The following CNBD1 variants were observed in gnomAD, a reference collection of about 807,000 sequenced individuals.
CNBD1 encodes the protein cyclic nucleotide-binding domain-containing protein 1.
CNBD1 carries 71 observed loss-of-function variants against 54.4 expected under a neutral mutation model. That is an observed-to-expected ratio of 1.30 (90% CI 1.08 to 1.59). CNBD1 has a LOEUF of 1.59. CNBD1 is among the 40% of genes most tolerant of loss of function. The pLI is 0.00. For missense variants in CNBD1, 659 were observed against 518.0 expected, an observed-to-expected ratio of 1.27 and a Z score of -2.64; for synonymous variants, 182 against 170.7, an observed-to-expected ratio of 1.07 and a Z score of -0.51.
chr8:87,230,731 G>C (rs1241178160), intron 5 of CNBD1, among the ~76,000 whole-genome samples: 1 of 152,136 alleles, frequency 6.6e-6, no homozygotes, highest in African/African-American at 2.4e-5. Context: ...TTCATGGCAT[G>C]TTTGGTATAT....
chr8:87,329,125 T>C (rs956609561), intron 8 of CNBD1, among the ~76,000 whole-genome samples: 3 of 152,166 alleles, frequency 2.0e-5, no homozygotes, highest in Non-Finnish European at 4.4e-5. Context: ...TTGTCTATAT[T>C]CGCTCTTTTG....
intron 2 of CNBD1, among the ~76,000 whole-genome samples, chr8:87,408,795 G>A (rs1807693244): frequency 6.6e-6 from 1 of 151,910 alleles, no homozygotes; most frequent in Non-Finnish European, 1.5e-5. Context: ...ATCTTTTATC[G>A]TGATCTGGGA....
chr8:87,138,492 T>A (rs1180450203), intron 4 of CNBD1, among the ~76,000 whole-genome samples: 1 of 152,220 alleles, frequency 6.6e-6, no homozygotes, highest in Non-Finnish European at 1.5e-5. Flanking sequence ...CTTCTTACCA[T>A]CCCTGTGTTA....
At chr8:86,923,938 G>T (rs1809317303) in intron 3 of CNBD1, among the ~76,000 whole-genome samples, 1 of 152,152 alleles carries the variant, frequency 6.6e-6, no homozygotes, top group South Asian at 2.1e-4. Context: ...AGGGACCAAT[G>T]AGTCCCAGCT....
chr8:87,325,187 T>A (rs368653618), intron 8 of CNBD1, among the ~76,000 whole-genome samples: 1 of 95,234 alleles, frequency 1.1e-5, no homozygotes. Flanking sequence ...ATAATTTCTG[T>A]TCTTTTACAT....
chr8:86,891,801 AC>A (rs1808772688), intron 2 of CNBD1, among the ~76,000 whole-genome samples: 1 of 152,058 alleles, frequency 6.6e-6, no homozygotes, highest in African/African-American at 2.4e-5. Flanking sequence ...GGTTAAATTC[AC>A]ACCTAAGTAA....
chr8:86,938,002 C>T (rs1402338819), intron 3 of CNBD1, among the ~76,000 whole-genome samples: 2 of 152,294 alleles, frequency 1.3e-5, no homozygotes, highest in Non-Finnish European at 2.9e-5. Flanking sequence ...TTTGTGAATA[C>T]ATAAAGCTGA....
At chr8:87,173,768 A>G (rs1328938388) in intron 4 of CNBD1, among the ~76,000 whole-genome samples, 1 of 150,676 alleles carries the variant, frequency 6.6e-6, no homozygotes, top group Non-Finnish European at 1.5e-5. Flanking sequence ...TTGGTGTTCT[A>G]TAACCTTCTT....
At chr8:87,296,605 G>GTATATA (rs373445352) in intron 8 of CNBD1, among the ~76,000 whole-genome samples, 1 of 148,718 alleles carries the variant, frequency 6.7e-6, no homozygotes, top group African/African-American at 2.5e-5. Flanking sequence ...ATATAATTTG[G>GTATATA]TATATATATA....
chr8:87,380,813 A>G (rs1336592147), intron 10 of CNBD1, among the ~76,000 whole-genome samples: 1 of 152,022 alleles, frequency 6.6e-6, no homozygotes, highest in African/African-American at 2.4e-5. Flanking sequence ...TAATCTCTAC[A>G]AAAATAGCAT....
At chr8:87,260,759 GT>G (rs1372405747) in intron 6 of CNBD1, among the ~76,000 whole-genome samples, 2 of 151,842 alleles carry the variant, frequency 1.3e-5, no homozygotes, top group African/African-American at 4.8e-5. Flanking sequence ...TCACTGTGTT[GT>G]TGTTCATTTG....
chr8:87,389,976 T>A (rs1004219385), intron 2 of CNBD1, among the ~76,000 whole-genome samples: 1 of 150,816 alleles, frequency 6.6e-6, no homozygotes, highest in Non-Finnish European at 1.5e-5. Context: ...TTGACAAACC[T>A]GAGAAAAACA....
intron 5 of CNBD1, among the ~76,000 whole-genome samples, chr8:87,236,055 C>T (rs1001320991): frequency 2.6e-5 from 4 of 151,922 alleles, no homozygotes; most frequent in African/African-American, 9.7e-5. Context: ...ACTTTTAGGA[C>T]ATTAAAAAAA....
intron 4 of CNBD1, among the ~76,000 whole-genome samples, chr8:87,158,184 A>T (rs2130756372): frequency 6.6e-6 from 1 of 152,210 alleles, no homozygotes; most frequent in South Asian, 2.1e-4. Context: ...ACCTGGGATA[A>T]AGTCTGGACT....
At chr8:87,307,477 C>G (rs1809179725) in intron 8 of CNBD1, among the ~76,000 whole-genome samples, 1 of 152,130 alleles carries the variant, frequency 6.6e-6, no homozygotes, top group Admixed American at 6.6e-5. Context: ...CTGGCTCATG[C>G]CTGTAATCCC....
At chr8:87,161,924 G>A in intron 4 of CNBD1, among the ~76,000 whole-genome samples, 1 of 152,024 alleles carries the variant, frequency 6.6e-6, no homozygotes, top group South Asian at 2.1e-4. Context: ...TACTTCTTTT[G>A]CATGAATTAG....
At chr8:87,304,636 T>C (rs1809102719) in intron 8 of CNBD1, among the ~76,000 whole-genome samples, 2 of 151,776 alleles carry the variant, frequency 1.3e-5, no homozygotes, top group African/African-American at 2.4e-5. Context: ...TAAAGTATAA[T>C]AAAAATAAAT....
intron 10 of CNBD1, among the ~76,000 whole-genome samples, chr8:87,358,203 C>T (rs1449333354): frequency 2.6e-5 from 4 of 152,172 alleles, no homozygotes; most frequent in Non-Finnish European, 5.9e-5. Context: ...CAATGCAAAA[C>T]TGACTAATAG....
chr8:86,946,673 C>T (rs915139713), intron 4 of CNBD1, among the ~76,000 whole-genome samples: 2 of 151,218 alleles, frequency 1.3e-5, no homozygotes, highest in Non-Finnish European at 3.0e-5. Context: ...TCTTATGACT[C>T]TATTGGGAAT....
Sources: allele counts gnomAD v4.1 joint callset (sites outside exome capture counted in the v4.1 genomes callset), GRCh38; gene constraint gnomAD v4.1.1; transcripts MANE v1.5; gene names NCBI Gene and HGNC (gene_info 2026-07-23, HGNC 2026-07-21).